SLC7A11: variants seen among roughly 807,000 people sequenced by gnomAD.
The protein encoded by SLC7A11 is solute carrier family 7 member 11, also known as cystine/glutamate transporter.
Under a neutral mutation model 54.5 loss-of-function variants are expected in SLC7A11, and 35 were observed. That is an observed-to-expected ratio of 0.64 (90% CI 0.49 to 0.85). The LOEUF is 0.85. Among genes scored for constraint, SLC7A11 ranks in the 40% least tolerant of loss-of-function variants. The pLI, the probability that SLC7A11 is intolerant of heterozygous loss-of-function variation, is 0.00. For missense variants in SLC7A11, 583 were observed against 618.1 expected, an observed-to-expected ratio of 0.94 and a Z score of 0.60; for synonymous variants, 230 against 225.2, an observed-to-expected ratio of 1.02 and a Z score of -0.19.
At chr4:138,197,134 A>T (rs531626647) in intron 6 of SLC7A11, among the ~76,000 whole-genome samples, 16 of 152,324 alleles carry the variant, frequency 1.1e-4, no homozygotes, top group Admixed American at 6.5e-4. Flanking sequence ...TACCATTTTT[A>T]TAACATATGT....
chr4:138,241,806 G>A lies in SLC7A11; in HGVS notation c.264C>T (p.Val88=), dbSNP rs1416565776. The change falls in exon 1 of 12, where the codon GTC becomes GTT. Residue 88 remains valine (V), a synonymous_variant. Coordinates refer to ENST00000280612, the MANE Select transcript of SLC7A11 (RefSeq NM_014331.4). ...AGTCGCACTCACCAAATAGTGACAG[G>A]ACCCCACACACCGTCCAGATGGTCA... ...MSLTIWTVCG[V]LSLFGALSYA... 1.2e-6 allele frequency: 2 copies of A among 1,613,412 alleles called. No individual in the cohort carries two copies. The highest frequency in any genetic ancestry group is 1.3e-5 in the African/African-American group (1 of 74,858).
chr4:138,171,111 C>T lies in SLC7A11; in HGVS notation c.*845G>A, dbSNP rs1267314219. On this transcript the variant is annotated 3_prime_UTR_variant, in exon 12 of 12. Transcript: ENST00000280612. ...TAAAATGCATATGTTTAGATAGACTCATCAGGGGTAAGTTATTAGTGAAAC... is the reference window on the plus strand; with the variant it reads ...TAAAATGCATATGTTTAGATAGACTTATCAGGGGTAAGTTATTAGTGAAAC... 1.3e-5 allele frequency: 2 copies of T among 151,988 alleles called. No individual in the cohort carries two copies. The highest frequency in any genetic ancestry group is 6.6e-5 in the Admixed American group (1 of 15,246). The allele number at this position is 151,988 out of a possible 1,614,324, so 9.4% of individuals were successfully genotyped here.
At chr4:138,215,756 G>GA (rs141885073) in intron 5 of SLC7A11, among the ~76,000 whole-genome samples, 24,990 of 148,896 alleles carry the variant, frequency 0.17, 2,380 homozygotes, top group East Asian at 0.33. Flanking sequence ...AAAGAAAAAA[G>GA]AAAAAAAAAC....
Position 138,183,105 on chromosome 4 carries a change from G to GCACTATTTCT in SLC7A11, c.1019+96_1019+97insAGAAATAGTG. The GCACTATTTCT allele has an allele frequency of 4.9e-6, 4 of 822,926 alleles. No homozygotes were observed. In the East Asian group the frequency reaches 1.1e-4, roughly 22 times the overall value. The allele number at this position is 822,926 out of a possible 1,614,324, so 51.0% of individuals were successfully genotyped here. A position where few individuals can be genotyped will look rare whatever the true frequency, so the allele number is the denominator to read the frequency against. ...TTGCATGTCCCTTTAAAAACAACAG[G>GCACTATTTCT]TTTGGAGGCACTATTTCTTTTCTTT... On this transcript the variant is annotated intron_variant, in intron 8 of 11. Transcript: ENST00000280612.
Position 138,183,358 on chromosome 4 carries a change from A to G in SLC7A11, c.916-53T>C, listed in dbSNP as rs1160752704. On this transcript the variant is annotated intron_variant, in intron 7 of 11. Coordinates refer to ENST00000280612, the MANE Select transcript of SLC7A11 (RefSeq NM_014331.4). ...AATGCCTTGCCAGAAAGTGGAATAAAATGAAACAATTTAGGCCAAACTTGC... is the reference window on the plus strand; with the variant it reads ...AATGCCTTGCCAGAAAGTGGAATAAGATGAAACAATTTAGGCCAAACTTGC... 3.2e-6 allele frequency: 4 copies of G among 1,248,036 alleles called. No individual in the cohort carries two copies. In the African/African-American group the frequency reaches 6.0e-5, roughly 19 times the overall value. 77.3% of individuals were successfully genotyped at this position (1,248,036 alleles called of 1,614,324 possible). A position where few individuals can be genotyped will look rare whatever the true frequency, so the allele number is the denominator to read the frequency against.
intron 6 of SLC7A11, among the ~76,000 whole-genome samples, chr4:138,206,515 C>T (rs1000923678): frequency 2.0e-5 from 3 of 151,058 alleles, no homozygotes; most frequent in African/African-American, 4.9e-5. Context: ...CAAATTTTGC[C>T]TCATAGTGGA....
At chr4:138,208,492 T>C (rs1025861872) in intron 6 of SLC7A11, among the ~76,000 whole-genome samples, 8 of 151,680 alleles carry the variant, frequency 5.3e-5, no homozygotes, top group Non-Finnish European at 1.0e-4. Context: ...TTCTTTGCAC[T>C]GTGTAACTTT....
intron 6 of SLC7A11, among the ~76,000 whole-genome samples, chr4:138,211,756 C>T (rs901553273): frequency 6.6e-6 from 1 of 151,710 alleles, no homozygotes; most frequent in Admixed American, 6.6e-5. Context: ...ACCTGGAGGA[C>T]ATTATATTAA....
chr4:138,201,696 T>C (rs1737290234), intron 6 of SLC7A11, among the ~76,000 whole-genome samples: 1 of 152,068 alleles, frequency 6.6e-6, no homozygotes, highest in African/African-American at 2.4e-5. Flanking sequence ...CAAATCCTGA[T>C]CTGATAGTCC....
intron 6 of SLC7A11, among the ~76,000 whole-genome samples, chr4:138,205,224 G>A (rs1342497129): frequency 6.6e-6 from 1 of 151,980 alleles, no homozygotes; most frequent in East Asian, 1.9e-4. Flanking sequence ...TTGATTTCCT[G>A]AACCAGTGCT....
chr4:138,175,118 C>T (rs1039587710), intron 11 of SLC7A11, among the ~76,000 whole-genome samples: 15 of 152,160 alleles, frequency 9.9e-5, no homozygotes, highest in African/African-American at 3.4e-4. Flanking sequence ...TTACATATTG[C>T]ACTGCAGTCT....
intron 11 of SLC7A11, among the ~76,000 whole-genome samples, chr4:138,173,980 G>C (rs1023145017): frequency 7.9e-5 from 12 of 152,248 alleles, no homozygotes; most frequent in African/African-American, 2.6e-4. Flanking sequence ...CTAGGGATAC[G>C]TGACAGTAGT....
chr4:138,190,300 TA>T (rs1736978952), intron 6 of SLC7A11, among the ~76,000 whole-genome samples: 1 of 152,158 alleles, frequency 6.6e-6, no homozygotes, highest in African/African-American at 2.4e-5. Context: ...GCAAATACCT[TA>T]AAATGTAAGA....
chr4:138,185,339 A>G, intron 6 of SLC7A11, 95 bp from the exon 7 acceptor site: 1 of 1,365,268 alleles, frequency 7.3e-7, no homozygotes, highest in Non-Finnish European at 1.0e-6. Flanking sequence ...GAAGAATATA[A>G]TGGTATCTAC....
Position 138,179,239 on chromosome 4 carries a change from G to C in SLC7A11, c.1422C>G (p.Pro474=), listed in dbSNP as rs1736657501. 3 of 1,610,250 alleles carry C rather than the reference G, an allele frequency of 1.9e-6. No homozygotes were observed. The highest frequency in any genetic ancestry group is 2.5e-6 in the Non-Finnish European group (3 of 1,177,004). The stretch of plus-strand genomic sequence containing the variant: ...TACCCGACATTATTCTAAACCACCT[G>C]GGTTTCTTGTCCCATATAATAAAGA... ...YYLFIIWDKK[P]RWFRIMSEKI... is the part of the protein sequence containing the mutation. Residue 474 remains proline (P), a synonymous_variant, in exon 11 of 12, where the codon CCC becomes CCG. Transcript: ENST00000280612.
Position 138,172,871 on chromosome 4 carries a change from G to C in SLC7A11, c.1445-854C>G, listed in dbSNP as rs9991050. 5.8e-3 allele frequency among the ~76,000 whole-genome samples: 877 copies of C among 152,230 alleles called. 8 individuals carry two copies. The highest frequency in any genetic ancestry group is 0.02 in the African/African-American group (814 of 41,560). ...TTTTGTTTTGATTTTTTGAGGCGGA[G>C]TTTCACTCGTTGCCCAGGTTAGAGT... is the stretch of plus-strand genomic sequence containing the variant. On this transcript the variant is annotated intron_variant, in intron 11 of 11. Transcript: ENST00000280612.
chr4:138,185,375 G>GTA lies in SLC7A11; in HGVS notation c.792-133_792-132dup, dbSNP rs112623851. On this transcript the variant is annotated intron_variant, in intron 6 of 11. Coordinates refer to ENST00000280612, the MANE Select transcript of SLC7A11 (RefSeq NM_014331.4). ...AATAATTATAGGCTCTGTTGGGTATGTATAAACATTTCATCAGGGCAAAAA... is the reference window on the plus strand; with the variant it reads ...AATAATTATAGGCTCTGTTGGGTATGTATATAAACATTTCATCAGGGCAAAAA... 22 of 1,040,908 alleles carry GTA rather than the reference G, an allele frequency of 2.1e-5. No homozygotes were observed. In the African/African-American group the frequency reaches 3.1e-4, roughly 14 times the overall value. The allele number at this position is 1,040,908 out of a possible 1,614,324, so 64.5% of individuals were successfully genotyped here.
chr4:138,234,539 G>GAC (rs150908366), intron 2 of SLC7A11, among the ~76,000 whole-genome samples: 24 of 151,482 alleles, frequency 1.6e-4, no homozygotes, highest in African/African-American at 5.1e-4. Context: ...TCTGTCAACA[G>GAC]ACACACACAC....
chr4:138,176,709 T>C (rs1047824055), intron 11 of SLC7A11: 11 of 152,200 alleles, frequency 7.2e-5, no homozygotes, highest in African/African-American at 2.7e-4. Context: ...CACCAGCTCT[T>C]TCTTCCTCAA....
Sources: allele counts gnomAD v4.1 joint callset (sites outside exome capture counted in the v4.1 genomes callset), GRCh38; gene constraint gnomAD v4.1.1; transcripts MANE v1.5; gene names NCBI Gene and HGNC (gene_info 2026-07-23, HGNC 2026-07-21).